The following LRRIQ3 variants were observed in gnomAD, a reference collection of about 807,000 sequenced individuals.
LRRIQ3 encodes the protein leucine rich repeats and IQ motif containing 3.
In LRRIQ3, 75 loss-of-function variants were observed where a neutral mutation model predicts 59.3. The ratio of observed to expected loss-of-function variants is 1.26; its 90% CI spans 1.05 to 1.53. The LOEUF is 1.53. Ranked by LOEUF, LRRIQ3 falls within the 40% of genes most tolerant of loss-of-function variation. LRRIQ3 has a pLI of 0.00. For synonymous variants in LRRIQ3, 250 were observed against 231.3 expected (o/e 1.08, Z -0.73); for missense variants, 831 against 710.0 (o/e 1.17, Z -1.94).
chr1:74,078,912 C>T (rs1646240074), intron 5 of LRRIQ3, among the ~76,000 whole-genome samples: 1 of 151,912 alleles, frequency 6.6e-6, no homozygotes, highest in Non-Finnish European at 1.5e-5. Flanking sequence ...CTCAGAAATA[C>T]TTAGAATTTG....
intron 4 of LRRIQ3, among the ~76,000 whole-genome samples, chr1:74,152,498 A>G (rs892630980): frequency 7.2e-5 from 11 of 152,162 alleles, no homozygotes; most frequent in Non-Finnish European, 1.6e-4. Flanking sequence ...TATTTTGTGT[A>G]TATTGTAGGA....
chr1:74,170,723 GT>G (rs1320322204), intron 3 of LRRIQ3, among the ~76,000 whole-genome samples: 3 of 152,056 alleles, frequency 2.0e-5, no homozygotes, highest in Non-Finnish European at 4.4e-5. Flanking sequence ...AAGTACTTAG[GT>G]ATTTTGATAG....
chr1:74,047,414 G>A (rs906003046), intron 6 of LRRIQ3, among the ~76,000 whole-genome samples: 4 of 152,116 alleles, frequency 2.6e-5, no homozygotes, highest in Non-Finnish European at 5.9e-5. Context: ...GGCACAGGGA[G>A]AGGAACATCA....
chr1:74,173,171 C>T (rs1426627687), intron 3 of LRRIQ3, among the ~76,000 whole-genome samples: 3 of 151,632 alleles, frequency 2.0e-5, no homozygotes, highest in Non-Finnish European at 4.4e-5. Flanking sequence ...GTAGCGGGCA[C>T]CTATAGTTCC....
chr1:74,158,623 C>T (rs1302926624), intron 3 of LRRIQ3, among the ~76,000 whole-genome samples: 1 of 152,052 alleles, frequency 6.6e-6, no homozygotes, highest in Non-Finnish European at 1.5e-5. Context: ...TCATTTGTCA[C>T]TCTCGACAAT....
chr1:74,159,993 T>C (rs1341855719), intron 3 of LRRIQ3, among the ~76,000 whole-genome samples: 1 of 152,016 alleles, frequency 6.6e-6, no homozygotes, highest in Non-Finnish European at 1.5e-5. Flanking sequence ...TGAACTATTA[T>C]AATAGACTCC....
At chr1:74,095,937 C>G (rs1041485545) in intron 5 of LRRIQ3, among the ~76,000 whole-genome samples, 1 of 151,856 alleles carries the variant, frequency 6.6e-6, no homozygotes, top group Non-Finnish European at 1.5e-5. Flanking sequence ...CCCCTAAAAT[C>G]TTTTATTTAT....
intron 4 of LRRIQ3, among the ~76,000 whole-genome samples, chr1:74,140,604 A>G (rs111590284): frequency 1.2e-3 from 188 of 151,986 alleles, no homozygotes; most frequent in African/African-American, 4.2e-3. Flanking sequence ...GCCAATAACT[A>G]TAGAGGACAC....
intron 4 of LRRIQ3, among the ~76,000 whole-genome samples, chr1:74,134,223 A>T (rs1021622442): frequency 1.3e-5 from 2 of 152,074 alleles, no homozygotes; most frequent in African/African-American, 4.8e-5. Context: ...AAGACTAGAA[A>T]TTCACTAAAG....
intron 1 of LRRIQ3, among the ~76,000 whole-genome samples, chr1:74,197,357 T>C (rs933317032): frequency 6.6e-6 from 1 of 152,164 alleles, no homozygotes; most frequent in Non-Finnish European, 1.5e-5. Flanking sequence ...AAATCTTTTA[T>C]TACTTACTAA....
intron 3 of LRRIQ3, chr1:74,180,988 T>C (rs1472609361): frequency 1.1e-5 from 6 of 567,970 alleles, no homozygotes; most frequent in Non-Finnish European, 1.5e-5. Context: ...TTGTCTATTC[T>C]CTGTGCCTTT....
At chr1:74,196,241 T>C (rs552342990) in intron 1 of LRRIQ3, among the ~76,000 whole-genome samples, 1 of 152,296 alleles carries the variant, frequency 6.6e-6, no homozygotes, top group Admixed American at 6.5e-5. Flanking sequence ...TTCTGTATGA[T>C]AGAATCTAAC....
chr1:74,048,765 T>A (rs1482212918), intron 6 of LRRIQ3, among the ~76,000 whole-genome samples: 3 of 152,164 alleles, frequency 2.0e-5, no homozygotes, highest in African/African-American at 7.2e-5. Flanking sequence ...CTTTGTTAAA[T>A]ATAGAAGTCC....
At chr1:74,080,176 A>T (rs1570080988) in intron 5 of LRRIQ3, among the ~76,000 whole-genome samples, 1 of 151,618 alleles carries the variant, frequency 6.6e-6, no homozygotes, top group East Asian at 1.9e-4. Context: ...CACAAAAAAA[A>T]CCAAAACAGC....
Position 74,026,898 on chromosome 1 carries a change from C to T in LRRIQ3, c.1790G>A (p.Cys597Tyr), listed in dbSNP as rs758436588. The change falls in exon 8 of 8, where the codon TGT (cysteine) becomes TAT (tyrosine). Residue 597 changes from cysteine (C) to tyrosine (Y), a missense_variant. Physicochemically the swap from Cys to Tyr is radical, Grantham distance 194. Transcript: ENST00000354431. ...VMDMIAFEKA[C>Y]ERLQDAKTKV... Reference sequence around the variant, plus strand: ...TGTTTTAGCATCTTGAAGTCTTTCACAGGCTTTTTCAAAGGCAATCATATC... The same window carrying T: ...TGTTTTAGCATCTTGAAGTCTTTCATAGGCTTTTTCAAAGGCAATCATATC... 2 of 1,605,340 alleles carry T rather than the reference C, an allele frequency of 1.2e-6. No homozygotes were observed. Among genetic ancestry groups the T allele is most frequent in the Non-Finnish European group, 8.5e-7 (1 of 1,175,008 alleles).
chr1:74,027,059 T>A, intron 7 of LRRIQ3, 90 bp from the exon 8 acceptor site: 1 of 885,478 alleles, frequency 1.1e-6, no homozygotes, highest in Non-Finnish European at 1.6e-6. Context: ...AATAATTAGA[T>A]GTCTTCGAAA....
chr1:74,133,092 C>G (rs1294979457), intron 4 of LRRIQ3, among the ~76,000 whole-genome samples: 1 of 152,128 alleles, frequency 6.6e-6, no homozygotes, highest in East Asian at 1.9e-4. Context: ...ATTTATGCAG[C>G]CAACGGACAC....
At chr1:74,090,393 T>A (rs1383931634) in intron 5 of LRRIQ3, among the ~76,000 whole-genome samples, 2 of 151,892 alleles carry the variant, frequency 1.3e-5, no homozygotes, top group African/African-American at 4.8e-5. Flanking sequence ...AACTTAAAAA[T>A]AAATTATAAA....
intron 7 of LRRIQ3, among the ~76,000 whole-genome samples, chr1:74,035,167 T>A (rs565076199): frequency 5.3e-5 from 8 of 152,192 alleles, no homozygotes; most frequent in African/African-American, 1.9e-4. Flanking sequence ...ATATAAATAA[T>A]TGTGTTCAGC....
Sources: allele counts gnomAD v4.1 joint callset (sites outside exome capture counted in the v4.1 genomes callset), GRCh38; gene constraint gnomAD v4.1.1; transcripts MANE v1.5; gene names NCBI Gene and HGNC (gene_info 2026-07-23, HGNC 2026-07-21).